The following IFRD1 variants were observed in gnomAD, a reference collection of about 807,000 sequenced individuals.
The protein encoded by IFRD1 is interferon related developmental regulator 1, also known as interferon-related developmental regulator 1.
IFRD1 carries 35 observed loss-of-function variants against 52.9 expected under a neutral mutation model. The ratio of observed to expected loss-of-function variants is 0.66; its 90% confidence interval spans 0.51 to 0.88. The LOEUF is 0.88. IFRD1 is among the 40% of genes least tolerant of loss of function. The pLI is 0.00. For synonymous variants in IFRD1, 184 were observed against 188.4 expected (o/e 0.98, Z 0.19); for missense variants, 517 against 550.8 (o/e 0.94, Z 0.61).
At chr7:112,462,965 C>T (rs1436328821) in intron 8 of IFRD1, among the ~76,000 whole-genome samples, 2 of 152,140 alleles carry the variant, frequency 1.3e-5, no homozygotes, top group Non-Finnish European at 2.9e-5. Context: ...TGCTTTGTAC[C>T]TGTTTTTGGT....
At chr7:112,432,277 T>C (rs1389281848) in intron 1 of IFRD1, among the ~76,000 whole-genome samples, 1 of 152,248 alleles carries the variant, frequency 6.6e-6, no homozygotes, top group Admixed American at 6.5e-5. Flanking sequence ...ATTATCTTAA[T>C]TTTTCATTCA....
chr7:112,451,396 C>G (rs1356611456), intron 1 of IFRD1, among the ~76,000 whole-genome samples: 2 of 152,200 alleles, frequency 1.3e-5, no homozygotes, highest in South Asian at 2.1e-4. Context: ...TGCTCCTTCC[C>G]CTAACTGGCA....
At chr7:112,470,162 C>A (rs1028735231) in intron 9 of IFRD1, among the ~76,000 whole-genome samples, 6 of 152,152 alleles carry the variant, frequency 3.9e-5, no homozygotes, top group Non-Finnish European at 7.3e-5. Flanking sequence ...TTTTGCCATA[C>A]AGTTTTCTTA....
chr7:112,424,672 C>T (rs933453357), intron 1 of IFRD1, among the ~76,000 whole-genome samples: 9 of 152,152 alleles, frequency 5.9e-5, no homozygotes, highest in Non-Finnish European at 1.0e-4. Flanking sequence ...GCCTCAGCCT[C>T]CCAAAGTGCT....
intron 1 of IFRD1, among the ~76,000 whole-genome samples, chr7:112,428,081 A>T (rs2117221455): frequency 6.6e-6 from 1 of 152,314 alleles, no homozygotes; most frequent in African/African-American, 2.4e-5. Flanking sequence ...GAAAAGGGAG[A>T]TAATTCTCAG....
At chr7:112,467,538 G>A (rs1296204535) in intron 8 of IFRD1, 3 of 189,974 alleles carry the variant, frequency 1.6e-5, no homozygotes, top group East Asian at 1.3e-4. Context: ...TTGAAATATG[G>A]CAGTAAATTA....
chr7:112,424,590 T>G (rs1187847359), intron 1 of IFRD1, among the ~76,000 whole-genome samples: 1 of 151,850 alleles, frequency 6.6e-6, no homozygotes, highest in African/African-American at 2.4e-5. Context: ...AGTTTTGTAT[T>G]TTTAGTAGAG....
At chr7:112,473,700 C>T (rs537950153) in intron 11 of IFRD1, among the ~76,000 whole-genome samples, 27 of 152,278 alleles carry the variant, frequency 1.8e-4, no homozygotes, top group African/African-American at 6.3e-4. Flanking sequence ...GCTGGGATTA[C>T]AGGCATGAGC....
intron 9 of IFRD1, among the ~76,000 whole-genome samples, chr7:112,471,605 G>A (rs1422929888): frequency 6.6e-6 from 1 of 151,948 alleles, no homozygotes; most frequent in Non-Finnish European, 1.5e-5. Context: ...TCTGACTTCT[G>A]TTTCTGTGTC....
chr7:112,455,702 A>T, intron 1 of IFRD1, 61 bp from the exon 2 acceptor site: 1 of 1,109,926 alleles, frequency 9.0e-7, no homozygotes. Flanking sequence ...AAAATTCCAA[A>T]GTTAAATATT....
intron 8 of IFRD1, among the ~76,000 whole-genome samples, chr7:112,466,671 GA>G (rs1795617771): frequency 6.6e-6 from 1 of 151,988 alleles, no homozygotes; most frequent in African/African-American, 2.4e-5. Context: ...ATAATGTATA[GA>G]ATTTTCTTAA....
At chr7:112,430,222 G>A (rs1048988516) in intron 1 of IFRD1, among the ~76,000 whole-genome samples, 3 of 152,202 alleles carry the variant, frequency 2.0e-5, no homozygotes, top group African/African-American at 4.8e-5. Context: ...GGATTTGGGA[G>A]CCCAATTCTT....
At chr7:112,463,630 A>G (rs1018965926) in intron 8 of IFRD1, among the ~76,000 whole-genome samples, 2 of 152,154 alleles carry the variant, frequency 1.3e-5, no homozygotes, top group Admixed American at 6.6e-5. Flanking sequence ...ATAGCTTCTT[A>G]ACCTCAACGC....
intron 1 of IFRD1, among the ~76,000 whole-genome samples, chr7:112,430,813 G>A (rs185444428): frequency 7.9e-5 from 12 of 152,188 alleles, no homozygotes; most frequent in Non-Finnish European, 1.2e-4. Flanking sequence ...TTGCTACTCC[G>A]CCAGAAGTGG....
At chr7:112,450,881 A>G (rs1406750021) in intron 1 of IFRD1, 99 bp downstream of exon 1, 1 of 838,130 alleles carries the variant, frequency 1.2e-6, no homozygotes, top group Non-Finnish European at 2.0e-6. Context: ...TCTCTGATGT[A>G]CACATTTGCA....
At chr7:112,447,814 T>G (rs1000771824), upstream of IFRD1, among the ~76,000 whole-genome samples, 1 of 152,188 alleles carries the variant, frequency 6.6e-6, no homozygotes, top group Non-Finnish European at 1.5e-5. Context: ...GGAGCTAAAC[T>G]GCAGGCATAA....
At chr7:112,432,665 G>T (rs1043073913) in intron 1 of IFRD1, among the ~76,000 whole-genome samples, 2 of 152,174 alleles carry the variant, frequency 1.3e-5, no homozygotes, top group African/African-American at 4.8e-5. Context: ...AGACGGCAGG[G>T]CTTAGATCTG....
chr7:112,463,168 G>A (rs550746226), intron 8 of IFRD1, among the ~76,000 whole-genome samples: 45 of 152,256 alleles, frequency 3.0e-4, no homozygotes, highest in African/African-American at 9.4e-4. Flanking sequence ...GAAATGAGGA[G>A]CAGGTTTGAC....
rs1004818097 is a variant in IFRD1 at position 112,475,866 on chromosome 7, G to A, written c.*347G>A. 3 of 196,662 alleles carry A rather than the reference G, an allele frequency of 1.5e-5. No individual in the cohort carries two copies. The highest frequency in any genetic ancestry group is 7.1e-5 in the African/African-American group (3 of 42,082). 12.2% of individuals were successfully genotyped at this position (196,662 alleles called of 1,614,324 possible). A position where few individuals can be genotyped will look rare whatever the true frequency, so the allele number is the denominator to read the frequency against. ...TGATTTACTATAATGATATATACAT[G>A]CAAGATATTTAACTTAATATCTTAG... On this transcript the variant is annotated 3_prime_UTR_variant, in exon 12 of 12. Transcript: ENST00000403825.
Sources: gnomAD v4.1 joint callset for allele counts (sites outside exome capture counted in the v4.1 genomes callset) on GRCh38, gnomAD v4.1.1 for gene constraint, MANE v1.5 for transcripts, NCBI Gene and HGNC (gene_info 2026-07-23, HGNC 2026-07-21) for gene names.